OPCML: variants seen among roughly 807,000 people sequenced by gnomAD.
OPCML encodes the protein opioid-binding protein/cell adhesion molecule.
OPCML carries 13 observed loss-of-function variants against 37.8 expected under a neutral mutation model. That is an observed-to-expected ratio of 0.34 (90% CI 0.22 to 0.55). OPCML has a LOEUF of 0.55. Among genes scored for constraint, OPCML ranks in the 20% least tolerant of loss-of-function variants. OPCML has a pLI of 0.91. For missense variants in OPCML, 341 were observed against 435.6 expected (o/e 0.78, Z 1.93); for synonymous variants, 176 against 168.8 (o/e 1.04, Z -0.33).
At chr11:133,056,414 C>T (rs922242740) in intron 1 of OPCML, among the ~76,000 whole-genome samples, 2 of 152,196 alleles carry the variant, frequency 1.3e-5, no homozygotes, top group African/African-American at 4.8e-5. Context: ...CAGATCAATG[C>T]TAAATCTCTC....
chr11:132,818,738 T>C (rs1276680321), intron 2 of OPCML, among the ~76,000 whole-genome samples: 1 of 148,046 alleles, frequency 6.8e-6, no homozygotes, highest in East Asian at 2.0e-4. Flanking sequence ...TAATTATAGT[T>C]ATTTCAAAGT....
At chr11:132,812,730 C>T (rs1939416894) in intron 2 of OPCML, among the ~76,000 whole-genome samples, 1 of 152,198 alleles carries the variant, frequency 6.6e-6, no homozygotes, top group African/African-American at 2.4e-5. Context: ...ATCACTAATT[C>T]ATCTCCTACT....
rs571868678 is a variant in OPCML, at chr11:132,651,377, T to G, written c.379+5710A>C. 4.5e-4 allele frequency among the ~76,000 whole-genome samples: 69 copies of G among 152,316 alleles called. 2 individuals carry two copies. In the East Asian group the frequency reaches 0.012, roughly 26 times the overall value. On this transcript the variant is annotated intron_variant, in intron 3 of 7. Coordinates refer to ENST00000524381, the MANE Select transcript of OPCML (RefSeq NM_001012393.5). ...TGTCATGTGGGGCTTTTGGGAAGCA[T>G]AATCAAAAGAGATAATGCATATAAA... is the stretch of plus-strand genomic sequence containing the variant.
intron 2 of OPCML, among the ~76,000 whole-genome samples, chr11:132,897,279 T>C (rs775134386): frequency 7.2e-5 from 11 of 152,180 alleles, no homozygotes; most frequent in Non-Finnish European, 1.3e-4. Context: ...AGAGAGCTCT[T>C]GGCCAGCTAC....
chr11:133,452,238 A>G (rs1946593700), intron 1 of OPCML, among the ~76,000 whole-genome samples: 1 of 151,704 alleles, frequency 6.6e-6, no homozygotes, highest in South Asian at 2.1e-4. Context: ...ATGCTCAAGA[A>G]TAGAAAGGGA....
At chr11:133,356,070 A>C (rs571970581) in intron 1 of OPCML, among the ~76,000 whole-genome samples, 89 of 152,222 alleles carry the variant, frequency 5.8e-4, no homozygotes, top group South Asian at 1.0e-3. Flanking sequence ...AGAACCAGGC[A>C]AAAAATAAGT....
In OPCML at chr11:133,014,724, G is replaced by A. The variant is rs527753378; in HGVS notation, c.62-71714C>T. Among the ~76,000 whole-genome samples, 10 of 152,316 alleles carry A rather than the reference G, an allele frequency of 6.6e-5. No homozygotes were observed. The South Asian group carries it at 2.1e-3, about 32-fold the overall frequency. ...AGAACAACATGTGGCCCAGCAGAAG[G>A]AGAGAGAAAGAAGTAAACAGTTTTA... is the stretch of plus-strand genomic sequence containing the variant. On this transcript the variant is annotated intron_variant, in intron 1 of 7. Transcript: ENST00000524381.
chr11:133,325,265 C>T (rs1462217034), intron 1 of OPCML, among the ~76,000 whole-genome samples: 1 of 152,194 alleles, frequency 6.6e-6, no homozygotes, highest in Admixed American at 6.6e-5. Flanking sequence ...AAATATGTAT[C>T]AAAGCATTCT....
intron 2 of OPCML, among the ~76,000 whole-genome samples, chr11:132,688,038 G>T (rs550553413): frequency 1.3e-5 from 2 of 152,020 alleles, no homozygotes; most frequent in Non-Finnish European, 2.9e-5. Context: ...GCTTCTATCC[G>T]GGAAATGACG....
chr11:133,484,466 C>G (rs1184285561), intron 1 of OPCML, among the ~76,000 whole-genome samples: 3 of 151,986 alleles, frequency 2.0e-5, no homozygotes, highest in Non-Finnish European at 4.4e-5. Flanking sequence ...AGATGCACAC[C>G]TAGAAGTGAC....
At chr11:133,117,033 T>C (rs559669345) in intron 1 of OPCML, among the ~76,000 whole-genome samples, 16 of 152,292 alleles carry the variant, frequency 1.1e-4, no homozygotes, top group South Asian at 1.0e-3. Context: ...TTTAATTCCA[T>C]ACAACTCATT....
intron 2 of OPCML, among the ~76,000 whole-genome samples, chr11:132,920,848 C>T (rs573945758): frequency 1.1e-4 from 17 of 152,264 alleles, no homozygotes; most frequent in East Asian, 5.8e-4. Flanking sequence ...ACGGCCTGGC[C>T]GGCGGGAGCC....
At chr11:133,064,337 G>C (rs1380825153) in intron 1 of OPCML, among the ~76,000 whole-genome samples, 1 of 152,236 alleles carries the variant, frequency 6.6e-6, no homozygotes, top group Non-Finnish European at 1.5e-5. Flanking sequence ...ACCGCAACCC[G>C]CCTGGCCGCC....
intron 1 of OPCML, among the ~76,000 whole-genome samples, chr11:132,981,032 G>A (rs1051893242): frequency 1.3e-5 from 2 of 152,164 alleles, no homozygotes; most frequent in Non-Finnish European, 2.9e-5. Context: ...GTAATACAAT[G>A]GTAAGTATTT....
At chr11:133,418,055 G>A (rs541491366) in intron 1 of OPCML, 2 of 985,136 alleles carry the variant, frequency 2.0e-6, no homozygotes, top group South Asian at 4.7e-5. Context: ...AGAGAGAACT[G>A]CTTGAACACA....
chr11:133,082,821 C>G (rs1455233960), intron 1 of OPCML, among the ~76,000 whole-genome samples: 1 of 148,930 alleles, frequency 6.7e-6, no homozygotes, highest in African/African-American at 2.5e-5. Context: ...CGGGGCCCAC[C>G]AACCCGGAGA....
chr11:133,267,622 A>C (rs916360843), intron 1 of OPCML, among the ~76,000 whole-genome samples: 1 of 152,094 alleles, frequency 6.6e-6, no homozygotes, highest in Admixed American at 6.5e-5. Flanking sequence ...CTGCCTTTTA[A>C]ATTTTAACTC....
chr11:132,957,623 C>T (rs1248070535), intron 1 of OPCML, among the ~76,000 whole-genome samples: 2 of 152,082 alleles, frequency 1.3e-5, no homozygotes, highest in African/African-American at 4.8e-5. Context: ...AGGTTTGTGG[C>T]AACCCTGCAT....
chr11:132,689,122 G>C (rs1218399621), intron 2 of OPCML, among the ~76,000 whole-genome samples: 2 of 152,146 alleles, frequency 1.3e-5, no homozygotes, highest in Non-Finnish European at 2.9e-5. Flanking sequence ...GTTTCAGTCT[G>C]TGAGGCAGGG....
Sources: allele counts gnomAD v4.1 joint callset (sites outside exome capture counted in the v4.1 genomes callset), GRCh38; gene constraint gnomAD v4.1.1; transcripts MANE v1.5; gene names NCBI Gene and HGNC (gene_info 2026-07-23, HGNC 2026-07-21).